Variants in AFAP1 observed in about 807,000 individuals in gnomAD.
The protein encoded by AFAP1 is actin filament associated protein 1.
AFAP1 carries 75 observed loss-of-function variants against 93.9 expected under a neutral mutation model. The observed-to-expected ratio is 0.80, with a 90% CI of 0.66 to 0.97. The LOEUF (loss-of-function observed/expected upper bound fraction) is 0.97, where lower values mean the gene tolerates loss of function less well. Ranked by LOEUF, AFAP1 falls within the 50% of genes least tolerant of loss-of-function variation. The pLI is 0.00. For synonymous variants in AFAP1, 517 were observed against 430.7 expected, an observed-to-expected ratio of 1.20 and a Z score of -2.48; for missense variants, 1,201 against 1,050.8, an observed-to-expected ratio of 1.14 and a Z score of -1.98.
intron 6 of AFAP1, 62 bp from the exon 7 acceptor site, chr4:7,819,233 C>A: frequency 2.1e-6 from 3 of 1,458,842 alleles, no homozygotes; most frequent in Non-Finnish European, 2.8e-6. Flanking sequence ...AAGGCTTGAA[C>A]TGTGAGTTGT....
intron 1 of AFAP1, among the ~76,000 whole-genome samples, chr4:7,898,063 T>G (rs997519279): frequency 6.6e-6 from 1 of 152,120 alleles, no homozygotes; most frequent in African/African-American, 2.4e-5. Context: ...CTCACCTTCC[T>G]CATCCTTCCC....
chr4:7,937,231 T>C (rs1721438203), intron 1 of AFAP1, among the ~76,000 whole-genome samples: 1 of 152,234 alleles, frequency 6.6e-6, no homozygotes, highest in South Asian at 2.1e-4. Context: ...TAACTCAACT[T>C]GTTTAAAAGG....
rs1352037757 is a variant in AFAP1 at position 7,762,986 on chromosome 4, T to C, written c.*779A>G. 3 of 152,106 alleles carry C rather than the reference T, an allele frequency of 2.0e-5. No individual in the cohort carries two copies. Among genetic ancestry groups the C allele is most frequent in the African/African-American group, 7.2e-5 (3 of 41,394 alleles). The allele number at this position is 152,106 out of a possible 1,614,324, so 9.4% of individuals were successfully genotyped here. On this transcript the variant is annotated 3_prime_UTR_variant, in exon 18 of 18. Coordinates refer to ENST00000420658, the MANE Select transcript of AFAP1 (RefSeq NM_001134647.2). The stretch of plus-strand genomic sequence containing the variant: ...AGGAGGGTGTACTGTTAGTGAAGTA[T>C]TAAAACCCTCTGCTACCTGTCAAAA...
At chr4:7,841,410 A>G (rs141876214) in intron 5 of AFAP1, among the ~76,000 whole-genome samples, 68 of 152,320 alleles carry the variant, frequency 4.5e-4, no homozygotes, top group African/African-American at 1.6e-3. Context: ...CTGCCAAGGA[A>G]ATGCAACCTT....
intron 1 of AFAP1, among the ~76,000 whole-genome samples, chr4:7,881,654 A>C (rs1234541451): frequency 1.3e-5 from 2 of 152,082 alleles, no homozygotes; most frequent in African/African-American, 4.8e-5. Context: ...ATGGTGGCAC[A>C]CGCCTGTAGT....
intron 4 of AFAP1, among the ~76,000 whole-genome samples, chr4:7,850,777 G>C (rs550213569): frequency 6.6e-6 from 1 of 152,346 alleles, no homozygotes; most frequent in Non-Finnish European, 1.5e-5. Flanking sequence ...TACAACTCCA[G>C]AGCCAAGGGC....
At chr4:7,848,035 C>T (rs1310619885) in intron 4 of AFAP1, among the ~76,000 whole-genome samples, 2 of 146,892 alleles carry the variant, frequency 1.4e-5, no homozygotes, top group Non-Finnish European at 3.0e-5. Flanking sequence ...ACAGATGGAT[C>T]GATGTATGGA....
At chr4:7,876,047 T>A (rs1469426906) in intron 1 of AFAP1, among the ~76,000 whole-genome samples, 1 of 152,148 alleles carries the variant, frequency 6.6e-6, no homozygotes, top group African/African-American at 2.4e-5. Flanking sequence ...CAAAAAGGGT[T>A]AAAAAGGTAA....
rs1715137797 is a variant in AFAP1 at position 7,769,643 on chromosome 4, C to CT, written c.2254-636dup. Among the ~76,000 whole-genome samples the CT allele has an allele frequency of 2.8e-5, 4 of 142,036 alleles. No individual in the cohort carries two copies. The South Asian group carries it at 6.4e-4, about 23-fold the overall frequency. 93.2% of individuals were successfully genotyped at this position (142,036 alleles called of 152,430 possible). ...TCCATATGGGATCCCAAACTGCTCT[C>CT]TGGGGGGAAAAAAACGCCACAGTCT... On this transcript the variant is annotated intron_variant, in intron 16 of 17. Coordinates refer to ENST00000420658, the MANE Select transcript of AFAP1 (RefSeq NM_001134647.2).
In AFAP1 at chr4:7,917,080, G is replaced by C. The variant is rs1002100948; in HGVS notation, c.-3+22576C>G. On this transcript the variant is annotated intron_variant, in intron 1 of 17. Coordinates refer to ENST00000420658, the MANE Select transcript of AFAP1 (RefSeq NM_001134647.2). The stretch of plus-strand genomic sequence containing the variant: ...TCTCTCTACTGCAATTCTATCATTT[G>C]CAAAATGTTAACAATTACTGTGTTC... Among the ~76,000 whole-genome samples the C allele has an allele frequency of 3.9e-5, 6 of 152,312 alleles. No homozygotes were observed. The South Asian group carries it at 1.2e-3, about 32-fold the overall frequency.
intron 2 of AFAP1, among the ~76,000 whole-genome samples, chr4:7,869,057 A>T (rs1716767287): frequency 6.6e-6 from 1 of 151,632 alleles, no homozygotes; most frequent in South Asian, 2.1e-4. Context: ...AGAGAAAGAG[A>T]AAGGGAAAGA....
At chr4:7,826,575 A>G (rs574728396) in intron 6 of AFAP1, among the ~76,000 whole-genome samples, 4 of 152,396 alleles carry the variant, frequency 2.6e-5, no homozygotes, top group Admixed American at 1.3e-4. Context: ...CTGGTTTAGA[A>G]AGCTGGCACT....
intron 6 of AFAP1, among the ~76,000 whole-genome samples, chr4:7,836,456 T>C (rs1313742886): frequency 6.6e-6 from 1 of 152,188 alleles, no homozygotes; most frequent in Non-Finnish European, 1.5e-5. Flanking sequence ...ATGGCGTTCT[T>C]TGTTTTTGAG....
chr4:7,854,187 A>C (rs555759139), intron 4 of AFAP1, among the ~76,000 whole-genome samples: 2 of 152,354 alleles, frequency 1.3e-5, no homozygotes, highest in African/African-American at 4.8e-5. Flanking sequence ...CGAGGCATTT[A>C]ATTTGTTTTC....
intron 1 of AFAP1, among the ~76,000 whole-genome samples, chr4:7,903,334 G>C (rs150972642): frequency 1.3e-5 from 2 of 152,314 alleles, no homozygotes; most frequent in African/African-American, 4.8e-5. Context: ...CAGGAAACTG[G>C]AAAGAAGAAT....
chr4:7,862,498 G>C (rs1032462137), intron 3 of AFAP1, among the ~76,000 whole-genome samples: 2 of 151,938 alleles, frequency 1.3e-5, no homozygotes, highest in African/African-American at 4.8e-5. Flanking sequence ...GGATGGTGGT[G>C]ATGGCTCCAC....
At chr4:7,920,112 G>A (rs572599719) in intron 1 of AFAP1, among the ~76,000 whole-genome samples, 1 of 152,250 alleles carries the variant, frequency 6.6e-6, no homozygotes, top group South Asian at 2.1e-4. Flanking sequence ...ACGCGTACAT[G>A]TATCTTTGTA....
chr4:7,895,125 T>C (rs1204354428), intron 1 of AFAP1, among the ~76,000 whole-genome samples: 4 of 152,200 alleles, frequency 2.6e-5, no homozygotes, highest in Admixed American at 1.3e-4. Context: ...CAGGAGGATG[T>C]GATGATAGAA....
chr4:7,789,338 G>A (rs1412937088), intron 11 of AFAP1, among the ~76,000 whole-genome samples: 17 of 152,144 alleles, frequency 1.1e-4, no homozygotes, highest in South Asian at 2.1e-4. Context: ...CCGGGACTCC[G>A]AGGAAAGGGT....
Sources: gnomAD v4.1 joint callset for allele counts (sites outside exome capture counted in the v4.1 genomes callset) on GRCh38, gnomAD v4.1.1 for gene constraint, MANE v1.5 for transcripts, NCBI Gene and HGNC (gene_info 2026-07-23, HGNC 2026-07-21) for gene names.